Variants in RC3H1 observed in about 807,000 individuals in gnomAD.
RC3H1 encodes the protein roquin-1.
A neutral mutation model predicts 138.2 loss-of-function variants in RC3H1; 50 were observed. The observed-to-expected ratio is 0.36, with a 90% CI of 0.29 to 0.46. RC3H1 has a LOEUF of 0.46. Ranked by LOEUF, RC3H1 falls within the 20% of genes least tolerant of loss-of-function variation. The probability of loss-of-function intolerance (pLI) is 1.00; values close to 1 mark genes in which losing one functional copy is unlikely to be tolerated. For synonymous variants in RC3H1, 462 were observed against 489.1 expected, an observed-to-expected ratio of 0.94 and a Z score of 0.73; for missense variants, 1,031 against 1,388.1, an observed-to-expected ratio of 0.74 and a Z score of 4.09.
chr1:173,970,065 C>T (rs190261959), intron 9 of RC3H1, among the ~76,000 whole-genome samples: 3 of 152,038 alleles, frequency 2.0e-5, no homozygotes, highest in Non-Finnish European at 2.9e-5. Flanking sequence ...ATCTCTTACC[C>T]GAAATGCTTG....
intron 14 of RC3H1, among the ~76,000 whole-genome samples, chr1:173,948,761 A>T (rs897903635): frequency 6.6e-6 from 1 of 151,744 alleles, no homozygotes; most frequent in Non-Finnish European, 1.5e-5. Context: ...AATTAAAAAA[A>T]TTTTTGAAGA....
intron 13 of RC3H1, among the ~76,000 whole-genome samples, chr1:173,960,324 T>G (rs1192026025): frequency 1.3e-5 from 2 of 151,912 alleles, no homozygotes; most frequent in Admixed American, 6.6e-5. Flanking sequence ...AGCAACACTG[T>G]CTAATAGAAA....
At chr1:174,011,581 C>T (rs1270322676) in intron 1 of RC3H1, among the ~76,000 whole-genome samples, 1 of 150,994 alleles carries the variant, frequency 6.6e-6, no homozygotes, top group East Asian at 1.9e-4. Context: ...GCCAGTGTAA[C>T]CAGTATACAG....
intron 1 of RC3H1, among the ~76,000 whole-genome samples, chr1:174,018,445 T>C (rs1209403789): frequency 4.6e-5 from 7 of 152,180 alleles, no homozygotes; most frequent in Admixed American, 3.9e-4. Flanking sequence ...GTCTGGGGGA[T>C]GTAGGGCAAC....
intron 14 of RC3H1, among the ~76,000 whole-genome samples, chr1:173,951,281 C>T (rs559347159): frequency 7.9e-5 from 12 of 152,178 alleles, no homozygotes; most frequent in African/African-American, 9.6e-5. Context: ...GCCGAGATCG[C>T]GCCATTGAAC....
rs1658603978 is a variant in RC3H1 at position 173,936,743 on chromosome 1, ATATATATATATATATATATTT to A, written c.*1957_*1977del. The A allele has an allele frequency of 8.5e-5, 4 of 47,138 alleles. No homozygotes were observed. The African/African-American group carries it at 9.2e-4, about 11-fold the overall frequency. 2.9% of individuals were successfully genotyped at this position (47,138 alleles called of 1,614,324 possible). On this transcript the variant is annotated 3_prime_UTR_variant, in exon 20 of 20. Coordinates refer to ENST00000367696, the MANE Select transcript of RC3H1 (RefSeq NM_172071.4). ...AGAAAAAGCATACATATATATATAT[ATATATATATATATATATATTT>A]TTTTTTTTTTTTTTAAAAAAAGAAG... is the stretch of plus-strand genomic sequence containing the variant.
intron 17 of RC3H1, among the ~76,000 whole-genome samples, chr1:173,944,918 A>C (rs1659069342): frequency 6.6e-6 from 1 of 152,178 alleles, no homozygotes; most frequent in Admixed American, 6.6e-5. Flanking sequence ...TCCCCCCTAA[A>C]GTGATGGCTT....
intron 14 of RC3H1, among the ~76,000 whole-genome samples, chr1:173,949,137 G>GC (rs1460884925): frequency 1.0e-5 from 1 of 97,402 alleles, no homozygotes; most frequent in African/African-American, 3.4e-5. Context: ...TTTGGGGGGG[G>GC]GGGTGGGGCT....
intron 4 of RC3H1, 65 bp from the exon 5 acceptor site, chr1:173,982,967 A>G: frequency 1.4e-6 from 2 of 1,380,490 alleles, no homozygotes; most frequent in Non-Finnish European, 2.0e-6. Context: ...CATTTATTAG[A>G]AGGGGAATAT....
rs1032891669 is a variant in RC3H1, at chr1:173,968,893, C to G, written c.1334+1612G>C. ...TTTTTTTTGGAGACAGAGTCTCGCACTGTCGTTCAGGCTGGAGTGCTACGG... is the reference window on the plus strand; with the variant it reads ...TTTTTTTTGGAGACAGAGTCTCGCAGTGTCGTTCAGGCTGGAGTGCTACGG... On this transcript the variant is annotated intron_variant, in intron 9 of 19. Transcript: ENST00000367696. 4.1e-5 allele frequency among the ~76,000 whole-genome samples: 6 copies of G among 145,010 alleles called. No homozygotes were observed. The South Asian group carries it at 1.3e-3, about 32-fold the overall frequency.
At chr1:173,942,236 C>T (rs1307897480) in intron 18 of RC3H1, among the ~76,000 whole-genome samples, 6 of 146,650 alleles carry the variant, frequency 4.1e-5, no homozygotes, top group Middle Eastern at 3.5e-3. Context: ...TGCGAGACTC[C>T]GCCTCAAAAA....
At chr1:173,999,204 C>T (rs1661514529) in intron 1 of RC3H1, among the ~76,000 whole-genome samples, 1 of 151,960 alleles carries the variant, frequency 6.6e-6, no homozygotes, top group Non-Finnish European at 1.5e-5. Flanking sequence ...GCTTGACCAA[C>T]ATAGAGAAAC....
At chr1:173,941,229 A>G in intron 19 of RC3H1, 36 bp downstream of exon 19, 1 of 1,227,860 alleles carries the variant, frequency 8.1e-7, no homozygotes, top group Non-Finnish European at 1.2e-6. Flanking sequence ...TTTTGTGTGT[A>G]ATTTAATATG....
intron 2 of RC3H1, among the ~76,000 whole-genome samples, chr1:173,988,647 T>C (rs1006422113): frequency 2.0e-5 from 3 of 152,274 alleles, no homozygotes; most frequent in African/African-American, 7.2e-5. Context: ...CCAAAGTAGC[T>C]ATACCATTTT....
chr1:173,956,699 T>G (rs1311762864), intron 13 of RC3H1, among the ~76,000 whole-genome samples: 1 of 141,918 alleles, frequency 7.0e-6, no homozygotes, highest in East Asian at 2.0e-4. Flanking sequence ...AAGAAAGAAA[T>G]ATCACTCTGT....
chr1:173,980,563 T>C (rs1322708591), intron 6 of RC3H1, among the ~76,000 whole-genome samples: 2 of 152,002 alleles, frequency 1.3e-5, no homozygotes, highest in Admixed American at 6.6e-5. Flanking sequence ...GTCTCTAGAG[T>C]TGGCCTTCAT....
chr1:174,003,385 T>TCACATACA, intron 1 of RC3H1, among the ~76,000 whole-genome samples: 1 of 143,326 alleles, frequency 7.0e-6, no homozygotes, highest in South Asian at 2.3e-4. Context: ...AAGACTCCTA[T>TCACATACA]CACACACACA....
chr1:173,972,144 C>A (rs1204835446), intron 8 of RC3H1, among the ~76,000 whole-genome samples: 1 of 151,972 alleles, frequency 6.6e-6, no homozygotes, highest in East Asian at 1.9e-4. Flanking sequence ...AAAAGTGATA[C>A]TTATTGTCAA....
intron 1 of RC3H1, among the ~76,000 whole-genome samples, chr1:174,017,898 G>A (rs199590687): frequency 6.7e-6 from 1 of 150,368 alleles, no homozygotes; most frequent in African/African-American, 2.5e-5. Flanking sequence ...CATGTGCACA[G>A]TAATAATCAG....
Sources: gnomAD v4.1 joint callset for allele counts (sites outside exome capture counted in the v4.1 genomes callset) on GRCh38, gnomAD v4.1.1 for gene constraint, MANE v1.5 for transcripts, NCBI Gene and HGNC (gene_info 2026-07-23, HGNC 2026-07-21) for gene names.